The following BNC2 variants were observed in gnomAD, a reference collection of about 807,000 sequenced individuals.
BNC2 encodes basonuclin zinc finger protein 2.
Under a neutral mutation model 76.3 loss-of-function variants are expected in BNC2, and 20 were observed. That is an observed-to-expected ratio of 0.26 (90% CI 0.18 to 0.38). The LOEUF (loss-of-function observed/expected upper bound fraction) is 0.38. Among genes scored for constraint, BNC2 ranks in the 10% least tolerant of loss-of-function variants. The pLI is 1.00. For synonymous variants in BNC2, 582 were observed against 514.8 expected, an observed-to-expected ratio of 1.13 and a Z score of -1.77; for missense variants, 1,382 against 1,399.8, an observed-to-expected ratio of 0.99 and a Z score of 0.20.
intron 3 of BNC2, among the ~76,000 whole-genome samples, chr9:16,648,837 T>A (rs1821712495): frequency 6.6e-6 from 1 of 152,130 alleles, no homozygotes; most frequent in Admixed American, 6.5e-5. Flanking sequence ...TTAGGAATAG[T>A]TTTTTAGCAG....
At chr9:16,819,717 A>G (rs111687592) in intron 1 of BNC2, among the ~76,000 whole-genome samples, 190 of 152,312 alleles carry the variant, frequency 1.2e-3, no homozygotes, top group African/African-American at 4.4e-3. Flanking sequence ...ATCATATACT[A>G]TTAAGACTAC....
chr9:16,699,403 T>C (rs1823441363), intron 3 of BNC2, among the ~76,000 whole-genome samples: 1 of 152,226 alleles, frequency 6.6e-6, no homozygotes. Flanking sequence ...ATTTTAGAAT[T>C]ATGCTGCTCA....
At chr9:16,722,105 T>C (rs532765571) in intron 3 of BNC2, among the ~76,000 whole-genome samples, 24 of 152,244 alleles carry the variant, frequency 1.6e-4, no homozygotes, top group Admixed American at 1.6e-3. Flanking sequence ...GCACCAGAAT[T>C]TGTGTTTTTC....
intron 3 of BNC2, among the ~76,000 whole-genome samples, chr9:16,624,807 T>C (rs1015560703): frequency 6.6e-6 from 1 of 152,210 alleles, no homozygotes; most frequent in Non-Finnish European, 1.5e-5. Flanking sequence ...CCAACAAGTA[T>C]TTATTTAAAG....
chr9:16,626,115 C>G (rs1487997759), intron 3 of BNC2: 1 of 152,154 alleles, frequency 6.6e-6, no homozygotes, highest in Non-Finnish European at 1.5e-5. Context: ...CTCTTTAGCA[C>G]AGACATGTGT....
chr9:16,550,817 G>A (rs1220511298), intron 5 of BNC2, among the ~76,000 whole-genome samples: 1 of 152,110 alleles, frequency 6.6e-6, no homozygotes, highest in African/African-American at 2.4e-5. Flanking sequence ...ATAAAGAAAG[G>A]ACTGTTAGCC....
At chr9:16,848,530 ACAGTC>A (rs1487495098) in intron 1 of BNC2, among the ~76,000 whole-genome samples, 3 of 152,204 alleles carry the variant, frequency 2.0e-5, no homozygotes, top group Admixed American at 1.3e-4. Context: ...GACAGCACAA[ACAGTC>A]CCTCCAAAGA....
At chr9:16,539,691 G>A (rs1435855679) in intron 5 of BNC2, among the ~76,000 whole-genome samples, 2,422 of 120,680 alleles carry the variant, frequency 0.02, 359 homozygotes, top group African/African-American at 0.086. Flanking sequence ...AGGAAGGAAG[G>A]GAGAAAGGAA....
At chr9:16,739,643 C>A (rs1587368324) in intron 1 of BNC2, among the ~76,000 whole-genome samples, 1 of 152,158 alleles carries the variant, frequency 6.6e-6, no homozygotes, top group East Asian at 1.9e-4. Flanking sequence ...TTGCACTCCA[C>A]CCTGGGCAAC....
At chr9:16,699,214 C>T (rs1246399553) in intron 3 of BNC2, 1 of 470,874 alleles carries the variant, frequency 2.1e-6, no homozygotes, top group Admixed American at 2.4e-5. Flanking sequence ...CTGTCATCCC[C>T]ACTATATGTG....
chr9:16,664,739 CAG>C (rs1001673290), intron 3 of BNC2, among the ~76,000 whole-genome samples: 7 of 150,122 alleles, frequency 4.7e-5, no homozygotes, highest in African/African-American at 9.8e-5. Flanking sequence ...CAAAAAAAAA[CAG>C]GGGATCTACA....
chr9:16,676,088 T>C (rs1325056591), intron 3 of BNC2, among the ~76,000 whole-genome samples: 2 of 152,120 alleles, frequency 1.3e-5, no homozygotes, highest in Middle Eastern at 3.2e-3. Flanking sequence ...ATTCCAGCTT[T>C]TAATTTCGAA....
chr9:16,598,198 G>A (rs191791256), intron 3 of BNC2, among the ~76,000 whole-genome samples: 2 of 152,142 alleles, frequency 1.3e-5, no homozygotes, highest in African/African-American at 4.8e-5. Context: ...CTGCTAAGAA[G>A]CTATCAATAT....
chr9:16,454,004 T>G (rs1222610346), intron 5 of BNC2, among the ~76,000 whole-genome samples: 3 of 152,124 alleles, frequency 2.0e-5, no homozygotes, highest in Non-Finnish European at 4.4e-5. Context: ...ACCACCAACG[T>G]TTTGCTTATG....
intron 5 of BNC2, among the ~76,000 whole-genome samples, chr9:16,447,741 C>G (rs548725595): frequency 4.6e-5 from 7 of 152,106 alleles, no homozygotes; most frequent in African/African-American, 1.7e-4. Context: ...CTTGGAAACC[C>G]CCAAATCATA....
intron 5 of BNC2, among the ~76,000 whole-genome samples, chr9:16,534,724 GC>G (rs1383111531): frequency 6.6e-6 from 1 of 152,058 alleles, no homozygotes; most frequent in Non-Finnish European, 1.5e-5. Flanking sequence ...CAGGAAGATG[GC>G]TTTTGTATAT....
rs67689264 is a variant in BNC2, at chr9:16,847,400, GC to G, written c.3+23245del. Among the ~76,000 whole-genome samples, 206 of 29,464 alleles carry G rather than the reference GC, an allele frequency of 7.0e-3. 6 individuals are homozygous for G. The highest frequency in any genetic ancestry group is 0.019 in the Non-Finnish European group (146 of 7,520). 19.3% of individuals were successfully genotyped at this position (29,464 alleles called of 152,430 possible). A position where few individuals can be genotyped will look rare whatever the true frequency, so the allele number is the denominator to read the frequency against. On this transcript the variant is annotated intron_variant, in intron 1 of 6. Coordinates refer to ENST00000380672, the MANE Select transcript of BNC2 (RefSeq NM_017637.6). ...AACATCTCTCTGAAGATTTCTCGGG[GC>G]GGGGGGGGGGGGGCGGCGGGCAACA...
At chr9:16,733,734 A>T (rs1046874398) in intron 2 of BNC2, among the ~76,000 whole-genome samples, 3 of 152,174 alleles carry the variant, frequency 2.0e-5, no homozygotes, top group Non-Finnish European at 2.9e-5. Flanking sequence ...TTCACCTATC[A>T]TTAGCCAGGC....
chr9:16,522,864 C>A (rs561115346), intron 5 of BNC2, among the ~76,000 whole-genome samples: 1 of 152,264 alleles, frequency 6.6e-6, no homozygotes, highest in East Asian at 1.9e-4. Context: ...AAAACCACCA[C>A]TCTGTTTTAA....
Sources: allele counts gnomAD v4.1 joint callset (sites outside exome capture counted in the v4.1 genomes callset), GRCh38; gene constraint gnomAD v4.1.1; transcripts MANE v1.5; gene names NCBI Gene and HGNC (gene_info 2026-07-23, HGNC 2026-07-21).